Variants in NBEA observed in about 807,000 individuals in gnomAD.
NBEA encodes lysosomal-trafficking regulator 2.
NBEA carries 44 observed loss-of-function variants against 343.4 expected under a neutral mutation model. That is an observed-to-expected ratio of 0.13 (90% confidence interval 0.10 to 0.16). The LOEUF is 0.16. NBEA is among the 10% of genes least tolerant of loss of function. The pLI is 1.00. For synonymous variants in NBEA, 1,175 were observed against 1,238.7 expected (o/e 0.95, Z 1.08); for missense variants, 2,555 against 3,631.3 (o/e 0.70, Z 7.62).
rs752784859 is a variant in NBEA, at chr13:35,646,275, T to C, written c.7697T>C (p.Ile2566Thr). 6.2e-7 allele frequency: 1 copy of C among 1,613,524 alleles called. No homozygotes were observed. Among genetic ancestry groups the C allele is most frequent in the East Asian group, 2.2e-5 (1 of 44,886 alleles). The change falls in exon 51 of 59, where the codon ATA becomes ACA. Residue 2566 changes from isoleucine to threonine, a missense_variant. By Grantham distance (89) the Ile-to-Thr change is moderately conservative. This residue lies in a region of NBEA where 87 missense variants were observed against 75.0 expected (regional missense o/e 1.16). Coordinates refer to ENST00000379939, the MANE Select transcript of NBEA (RefSeq NM_001385012.1). ...CCCCTGCAGGCCATGGAGGCACAGA[T>C]ACAGAACTTTGGACAGACGCCATCT... ...KDFIKAMEAQ[I>T]QNFGQTPSQL...
At chr13:35,081,713 C>A (rs1188992245) in intron 10 of NBEA, among the ~76,000 whole-genome samples, 1 of 152,060 alleles carries the variant, frequency 6.6e-6, no homozygotes, top group African/African-American at 2.4e-5. Flanking sequence ...TATAATCTAA[C>A]AGCAATTTGT....
At chr13:35,324,809 G>A (rs1415166033) in intron 36 of NBEA, among the ~76,000 whole-genome samples, 3 of 152,084 alleles carry the variant, frequency 2.0e-5, no homozygotes, top group African/African-American at 4.8e-5. Context: ...GGGCAATAAT[G>A]ATTGCAGAAG....
chr13:35,038,539 G>C (rs1322170171), intron 1 of NBEA, among the ~76,000 whole-genome samples: 1 of 152,100 alleles, frequency 6.6e-6, no homozygotes, highest in Non-Finnish European at 1.5e-5. Flanking sequence ...TGGTATCACT[G>C]CTGGTTATTC....
At chr13:35,250,643 G>A (rs2031845169) in intron 34 of NBEA, among the ~76,000 whole-genome samples, 7 of 152,106 alleles carry the variant, frequency 4.6e-5, no homozygotes, top group Admixed American at 4.6e-4. Context: ...CATTGACTCA[G>A]CAATTTCATT....
At chr13:35,433,528 T>G (rs2045249057) in intron 39 of NBEA, among the ~76,000 whole-genome samples, 1 of 152,018 alleles carries the variant, frequency 6.6e-6, no homozygotes, top group Non-Finnish European at 1.5e-5. Flanking sequence ...AAAGACAAAA[T>G]GTGTAAAGCT....
intron 38 of NBEA, among the ~76,000 whole-genome samples, chr13:35,387,863 T>C (rs1762730099): frequency 6.6e-6 from 1 of 152,146 alleles, no homozygotes; most frequent in Admixed American, 6.6e-5. Flanking sequence ...AATTACTTTG[T>C]GGTGAAATGA....
At chr13:35,049,112 A>G (rs1032842069) in intron 5 of NBEA, among the ~76,000 whole-genome samples, 2 of 151,850 alleles carry the variant, frequency 1.3e-5, no homozygotes, top group African/African-American at 4.8e-5. Context: ...ACTATGTAAG[A>G]AATTATAAGA....
intron 30 of NBEA, among the ~76,000 whole-genome samples, chr13:35,193,691 A>C (rs1490128535): frequency 6.6e-6 from 1 of 151,828 alleles, no homozygotes; most frequent in East Asian, 1.9e-4. Flanking sequence ...CAGTTATTTT[A>C]ATTTTTAATC....
intron 47 of NBEA, 143 bp from the exon 48 acceptor site, chr13:35,606,280 TGAA>T (rs1303028056): frequency 2.5e-6 from 1 of 404,206 alleles, no homozygotes; most frequent in Non-Finnish European, 4.1e-6. Context: ...TAAAATTAAA[TGAA>T]GAATAGAATA....
In NBEA at chr13:35,637,715, G is replaced by A. The variant is rs548618496; in HGVS notation, c.7618-8154G>A. ...CAGGCACCTGTAGTCCCAGCTACTC[G>A]GGAGGCTGAGGCAGGAGAATCACTT... On this transcript the variant is annotated intron_variant, in intron 49 of 58. Coordinates refer to ENST00000379939, the MANE Select transcript of NBEA (RefSeq NM_001385012.1). Among the ~76,000 whole-genome samples the A allele has an allele frequency of 9.7e-4, 147 of 152,052 alleles. 1 individual carries two copies. The highest frequency in any genetic ancestry group is 3.5e-3 in the African/African-American group (144 of 41,456).
chr13:35,346,662 A>G (rs1274874526), intron 36 of NBEA, among the ~76,000 whole-genome samples: 6 of 152,126 alleles, frequency 3.9e-5, no homozygotes, highest in South Asian at 2.1e-4. Context: ...CCCCCTCAAC[A>G]GATTGGAGAG....
chr13:35,078,348 T>A (rs1313239662), intron 10 of NBEA, among the ~76,000 whole-genome samples: 1 of 152,184 alleles, frequency 6.6e-6, no homozygotes, highest in African/African-American at 2.4e-5. Flanking sequence ...CAACAAAAGT[T>A]AATTGTTTTT....
At chr13:35,076,113 T>C (rs1418894456) in intron 10 of NBEA, among the ~76,000 whole-genome samples, 1 of 151,896 alleles carries the variant, frequency 6.6e-6, no homozygotes, top group Non-Finnish European at 1.5e-5. Context: ...ATATAATTAT[T>C]AATTTAGTTT....
chr13:35,106,633 T>C (rs905252810), intron 11 of NBEA, among the ~76,000 whole-genome samples: 3 of 151,936 alleles, frequency 2.0e-5, no homozygotes, highest in Non-Finnish European at 4.4e-5. Flanking sequence ...CTATTTACAA[T>C]CCAAAATTGT....
chr13:35,539,126 G>A (rs558663611), intron 41 of NBEA, among the ~76,000 whole-genome samples: 15 of 152,178 alleles, frequency 9.9e-5, no homozygotes, highest in Non-Finnish European at 1.9e-4. Context: ...TCTGTGCTAA[G>A]TATGAAGAAT....
chr13:35,330,726 G>A (rs1396074671), intron 36 of NBEA, among the ~76,000 whole-genome samples: 1 of 151,986 alleles, frequency 6.6e-6, no homozygotes, highest in Non-Finnish European at 1.5e-5. Flanking sequence ...GCAAAGGCAT[G>A]AATAATTGAT....
intron 24 of NBEA, among the ~76,000 whole-genome samples, chr13:35,166,285 TTAAC>T (rs1448356518): frequency 2.8e-4 from 42 of 152,302 alleles, no homozygotes; most frequent in Non-Finnish European, 2.6e-4. Context: ...CAAAAGATCT[TTAAC>T]TATTAAGATA....
At chr13:35,424,396 A>T (rs150490598) in intron 38 of NBEA, among the ~76,000 whole-genome samples, 15 of 152,306 alleles carry the variant, frequency 9.8e-5, no homozygotes, top group African/African-American at 3.6e-4. Context: ...TTCTTCATCT[A>T]TTGAGATAAT....
chr13:35,620,116 C>T (rs58479226), intron 48 of NBEA, among the ~76,000 whole-genome samples: 4,586 of 152,132 alleles, frequency 0.03, 254 homozygotes, highest in African/African-American at 0.11. Flanking sequence ...TCAACAGATA[C>T]CTGTTGAGTG....
Sources: allele counts gnomAD v4.1 joint callset (sites outside exome capture counted in the v4.1 genomes callset), GRCh38; gene constraint gnomAD v4.1.1; regional missense constraint gnomAD v4.1.1; transcripts MANE v1.5; gene names NCBI Gene and HGNC (gene_info 2026-07-23, HGNC 2026-07-21).